POLK: variants seen among roughly 807,000 people sequenced by gnomAD.
The protein encoded by POLK is DNA polymerase kappa.
Under a neutral mutation model 94.0 loss-of-function variants are expected in POLK, and 76 were observed. The observed-to-expected ratio is 0.81, with a 90% CI of 0.67 to 0.98. The LOEUF (loss-of-function observed/expected upper bound fraction) is 0.98. Ranked by LOEUF, POLK falls within the 50% of genes least tolerant of loss-of-function variation. The pLI is 0.00. For missense variants in POLK, 954 were observed against 1,010.1 expected (o/e 0.94, Z 0.75); for synonymous variants, 349 against 325.4 (o/e 1.07, Z -0.78).
intron 4 of POLK, 113 bp from the exon 5 acceptor site, chr5:75,573,625 T>A: frequency 1.1e-6 from 1 of 889,926 alleles, no homozygotes; most frequent in Non-Finnish European, 1.8e-6. Context: ...GGCCTATAAA[T>A]GAAATGTCCT....
chr5:75,551,703 A>G (rs926678621), intron 2 of POLK, among the ~76,000 whole-genome samples: 2 of 152,222 alleles, frequency 1.3e-5, no homozygotes, highest in African/African-American at 4.8e-5. Context: ...GCTATAATAA[A>G]TAAGACACAG....
At chr5:75,570,910 T>C (rs1771554987) in intron 4 of POLK, among the ~76,000 whole-genome samples, 1 of 152,166 alleles carries the variant, frequency 6.6e-6, no homozygotes, top group African/African-American at 2.4e-5. Context: ...ATAAGTCTGA[T>C]TCCAAAACAC....
intron 3 of POLK, among the ~76,000 whole-genome samples, chr5:75,559,919 T>G (rs1470081963): frequency 6.6e-6 from 1 of 152,196 alleles, no homozygotes; most frequent in Non-Finnish European, 1.5e-5. Context: ...AAACACATTA[T>G]TTCTGAAATA....
intron 1 of POLK, among the ~76,000 whole-genome samples, chr5:75,524,391 A>C (rs1768733596): frequency 6.6e-6 from 1 of 152,148 alleles, no homozygotes; most frequent in Admixed American, 6.5e-5. Context: ...AAGACAGTGG[A>C]GTTTAATTGG....
At chr5:75,604,966 T>C (rs1226907859), downstream of POLK, among the ~76,000 whole-genome samples, 1 of 152,194 alleles carries the variant, frequency 6.6e-6, no homozygotes, top group Non-Finnish European at 1.5e-5. Context: ...CCCTTACCAG[T>C]ACGAGGTAAT....
At chr5:75,511,041 C>T (rs1040547895), upstream of POLK, 3 of 1,455,040 alleles carry the variant, frequency 2.1e-6, no homozygotes, top group African/African-American at 2.9e-5. Flanking sequence ...AGCCCCACCC[C>T]ACCGCCTCAG....
chr5:75,596,944 T>C (rs767112625), exon 13 of POLK: 3 of 1,613,620 alleles, frequency 1.9e-6, no homozygotes, highest in South Asian at 1.1e-5. Flanking sequence ...TACTGTTTCA[T>C]TGGAAAACGA....
chr5:75,513,765 C>T (rs879275369), intron 1 of POLK, among the ~76,000 whole-genome samples: 3 of 152,212 alleles, frequency 2.0e-5, no homozygotes, highest in South Asian at 2.1e-4. Context: ...AAAAAGCACA[C>T]AGTACGGTAC....
In POLK at chr5:75,590,249, T is replaced by C. The variant is rs888851758; in HGVS notation, c.1260-95T>C. ...CTTTATTTTGTAATACAGAAAAATA[T>C]AACTTAATGCTAGCCATATAAACAT... On this transcript the variant is annotated intron_variant, in intron 10 of 14. Transcript: ENST00000241436. The C allele has an allele frequency of 7.1e-6, 4 of 560,220 alleles. No homozygotes were observed. The Admixed American group carries it at 1.1e-4, about 15-fold the overall frequency. The allele number at this position is 560,220 out of a possible 1,614,324, so 34.7% of individuals were successfully genotyped here. A position where few individuals can be genotyped will look rare whatever the true frequency, so the allele number is the denominator to read the frequency against.
At chr5:75,558,182 G>T (rs993168682) in intron 3 of POLK, among the ~76,000 whole-genome samples, 4 of 150,788 alleles carry the variant, frequency 2.7e-5, no homozygotes, top group African/African-American at 9.7e-5. Context: ...TCTTGTAACT[G>T]ATTATTATCA....
chr5:75,526,594 T>C (rs1768861813), intron 1 of POLK, among the ~76,000 whole-genome samples: 1 of 150,176 alleles, frequency 6.7e-6, no homozygotes, highest in Admixed American at 6.6e-5. Context: ...TTTTCTTTTT[T>C]TTTTGGAGAC....
intron 1 of POLK, among the ~76,000 whole-genome samples, chr5:75,536,270 G>A (rs1452955660): frequency 6.6e-6 from 1 of 152,090 alleles, no homozygotes; most frequent in Non-Finnish European, 1.5e-5. Context: ...GGGTGTTCTG[G>A]TCCACAGGGC....
downstream of POLK, among the ~76,000 whole-genome samples, chr5:75,602,919 GGGA>G (rs1773328773): frequency 1.3e-5 from 2 of 152,170 alleles, no homozygotes; most frequent in African/African-American, 4.8e-5. Context: ...AAGTTAGCAT[GGGA>G]CTTGTGGTAT....
intron 1 of POLK, among the ~76,000 whole-genome samples, chr5:75,526,953 TAAAG>T (rs1325812769): frequency 6.6e-6 from 1 of 152,156 alleles, no homozygotes; most frequent in Non-Finnish European, 1.5e-5. Flanking sequence ...CTAAAGTAGA[TAAAG>T]AGAGTCAGCT....
intron 10 of POLK, among the ~76,000 whole-genome samples, chr5:75,589,380 TACACACATAC>T (rs1420720679): frequency 2.3e-3 from 154 of 67,782 alleles, no homozygotes; most frequent in African/African-American, 7.7e-3. Context: ...TTTATATATA[TACACACATAC>T]ACACACACAC....
At chr5:75,511,935 T>TCCCCG in intron 1 of POLK, 21 bp downstream of exon 1, 2 of 1,041,762 alleles carry the variant, frequency 1.9e-6, no homozygotes, top group Non-Finnish European at 2.8e-6. Context: ...CGCGCGGGGA[T>TCCCCG]CGCTTGTCCC....
intron 7 of POLK, chr5:75,582,284 C>T (rs573429678): frequency 3.3e-5 from 7 of 213,964 alleles, no homozygotes; most frequent in African/African-American, 1.6e-4. Flanking sequence ...CTTGTAAAAG[C>T]CATATTGTGA....
rs534273052 is a variant in POLK, at chr5:75,540,661, A to G, written c.-13-6349A>G. ...AGCTTAAAAAATACAGTACCAAAAA[A>G]GGTACTACAGGAGAAATGTTTTCTC... On this transcript the variant is annotated intron_variant, in intron 1 of 14. Coordinates refer to ENST00000241436, the Ensembl canonical transcript of POLK. Among the ~76,000 whole-genome samples, 105 of 152,288 alleles carry G rather than the reference A, an allele frequency of 6.9e-4. No individual in the cohort carries two copies. In the Middle Eastern group the frequency reaches 0.01, roughly 15 times the overall value.
intron 1 of POLK, among the ~76,000 whole-genome samples, chr5:75,513,599 G>C (rs2112508978): frequency 6.6e-6 from 1 of 152,166 alleles, no homozygotes; most frequent in East Asian, 1.9e-4. Flanking sequence ...AGCCAGGCTA[G>C]GAATGTTTCA....
Sources: allele counts gnomAD v4.1 joint callset (sites outside exome capture counted in the v4.1 genomes callset), GRCh38; gene constraint gnomAD v4.1.1; transcripts MANE v1.5; gene names NCBI Gene and HGNC (gene_info 2026-07-23, HGNC 2026-07-21).